Variants in MAGI2 observed in about 807,000 individuals in gnomAD.
MAGI2 encodes membrane-associated guanylate kinase, WW and PDZ domain-containing protein 2.
In MAGI2, 35 loss-of-function variants were observed where a neutral mutation model predicts 133.3. That is an observed-to-expected ratio of 0.26 (90% CI 0.20 to 0.35). The LOEUF (loss-of-function observed/expected upper bound fraction) is 0.35, where lower values mean the gene tolerates loss of function less well. Ranked by LOEUF, MAGI2 falls within the 10% of genes least tolerant of loss-of-function variation. The probability of loss-of-function intolerance (pLI) is 1.00; values close to 1 mark genes in which losing one functional copy is unlikely to be tolerated. For missense variants in MAGI2, 1,636 were observed against 1,863.4 expected (o/e 0.88, Z 2.25); for synonymous variants, 729 against 710.6 (o/e 1.03, Z -0.41).
intron 1 of MAGI2, among the ~76,000 whole-genome samples, chr7:79,084,029 T>C (rs1470774945): frequency 6.6e-6 from 1 of 151,752 alleles, no homozygotes; most frequent in African/African-American, 2.4e-5. Context: ...CTCTTGATTT[T>C]ATTAATTTGA....
chr7:78,597,090 A>C (rs1804686606), intron 3 of MAGI2, among the ~76,000 whole-genome samples: 1 of 152,166 alleles, frequency 6.6e-6, no homozygotes, highest in Admixed American at 6.5e-5. Flanking sequence ...GTTAGAGAAA[A>C]AATTCTTTAA....
chr7:79,269,470 G>A (rs1834715568), intron 1 of MAGI2, among the ~76,000 whole-genome samples: 1 of 152,132 alleles, frequency 6.6e-6, no homozygotes, highest in South Asian at 2.1e-4. Context: ...TACTCAGTAA[G>A]TGCTCAATGT....
intron 2 of MAGI2, among the ~76,000 whole-genome samples, chr7:78,857,895 G>A (rs186311746): frequency 3.7e-4 from 56 of 152,108 alleles, no homozygotes; most frequent in East Asian, 1.7e-3. Context: ...GATTTTTTTT[G>A]TTGGTAGGCC....
At chr7:78,994,905 G>C (rs1231738165) in intron 2 of MAGI2, among the ~76,000 whole-genome samples, 8 of 152,096 alleles carry the variant, frequency 5.3e-5, no homozygotes, top group Admixed American at 5.2e-4. Context: ...ATGCAAGGAT[G>C]AAGAACTGGG....
intron 2 of MAGI2, among the ~76,000 whole-genome samples, chr7:78,860,516 AC>A (rs1391599317): frequency 2.0e-5 from 3 of 152,078 alleles, no homozygotes; most frequent in African/African-American, 7.2e-5. Context: ...TTCACTCCAG[AC>A]CCTGTTTGCC....
chr7:78,651,874 T>C (rs1387784815), intron 2 of MAGI2, among the ~76,000 whole-genome samples: 2 of 151,896 alleles, frequency 1.3e-5, no homozygotes, highest in African/African-American at 2.4e-5. Context: ...AACAAAGACC[T>C]CAGAAGCTAA....
intron 3 of MAGI2, among the ~76,000 whole-genome samples, chr7:78,541,243 G>T (rs532316016): frequency 8.6e-5 from 13 of 152,030 alleles, no homozygotes; most frequent in African/African-American, 3.1e-4. Context: ...TTTTTTGAAA[G>T]AATTACCCTT....
At chr7:79,153,496 C>G (rs1823470325) in intron 1 of MAGI2, among the ~76,000 whole-genome samples, 1 of 152,142 alleles carries the variant, frequency 6.6e-6, no homozygotes, top group Non-Finnish European at 1.5e-5. Flanking sequence ...GGTCTAGTCA[C>G]AGAGAGAGCA....
At chr7:79,125,417 A>C in intron 1 of MAGI2, 1 of 492,398 alleles carries the variant, frequency 2.0e-6, no homozygotes, top group Non-Finnish European at 4.0e-6. Flanking sequence ...GGTGTCTTTG[A>C]TGGGGATAGC....
intron 2 of MAGI2, among the ~76,000 whole-genome samples, chr7:78,824,923 G>A (rs931418156): frequency 2.0e-5 from 3 of 152,116 alleles, no homozygotes; most frequent in Middle Eastern, 3.2e-3. Context: ...GAAGAGACAC[G>A]GATGAAGGTG....
chr7:79,391,361 C>T lies in MAGI2; in HGVS notation c.301+61659G>A, dbSNP rs1474597823. Among the ~76,000 whole-genome samples the T allele has an allele frequency of 4.0e-5, 6 of 151,172 alleles. No homozygotes were observed. In the East Asian group the frequency reaches 1.2e-3, roughly 29 times the overall value. ...ACAAACTAAAAGGTAAAAAAATATA[C>T]AGAAAATGACTTCATTCTGGCTTTA... On this transcript the variant is annotated intron_variant, in intron 1 of 21. Coordinates refer to ENST00000354212, the MANE Select transcript of MAGI2 (RefSeq NM_012301.4).
intron 1 of MAGI2, among the ~76,000 whole-genome samples, chr7:79,447,451 T>C (rs970109184): frequency 2.0e-5 from 3 of 152,088 alleles, no homozygotes; most frequent in African/African-American, 7.2e-5. Context: ...GAGAGATTTT[T>C]AGAAATTAAT....
At chr7:78,728,567 T>C (rs1344645329) in intron 2 of MAGI2, among the ~76,000 whole-genome samples, 1 of 82,584 alleles carries the variant, frequency 1.2e-5, no homozygotes, top group South Asian at 4.3e-4. Context: ...TTTTTTTTTT[T>C]TTTTTTTTTT....
At chr7:79,260,173 G>A (rs1055516581) in intron 1 of MAGI2, among the ~76,000 whole-genome samples, 2 of 152,138 alleles carry the variant, frequency 1.3e-5, no homozygotes, top group Non-Finnish European at 2.9e-5. Context: ...GGGCAATATG[G>A]CAAAACCCTG....
At chr7:78,401,704 T>C (rs1037874815) in intron 6 of MAGI2, among the ~76,000 whole-genome samples, 21 of 152,188 alleles carry the variant, frequency 1.4e-4, no homozygotes, top group African/African-American at 3.4e-4. Context: ...AAATTTATTA[T>C]AGAATACATC....
chr7:78,768,653 G>A (rs980805667), intron 2 of MAGI2, among the ~76,000 whole-genome samples: 2 of 152,172 alleles, frequency 1.3e-5, no homozygotes, highest in Non-Finnish European at 1.5e-5. Flanking sequence ...TTGTACTCAA[G>A]TCTTTCTTGT....
intron 2 of MAGI2, among the ~76,000 whole-genome samples, chr7:78,990,052 C>T (rs1223533727): frequency 6.6e-6 from 1 of 152,072 alleles, no homozygotes; most frequent in Non-Finnish European, 1.5e-5. Flanking sequence ...TACCATCCTA[C>T]ATAAGGACTT....
chr7:79,183,814 G>T (rs1393956840), intron 1 of MAGI2, among the ~76,000 whole-genome samples: 1 of 151,800 alleles, frequency 6.6e-6, no homozygotes, highest in Non-Finnish European at 1.5e-5. Context: ...TTTAAAAACA[G>T]GTAATTCTGT....
At chr7:78,991,100 AT>A (rs1306319808) in intron 2 of MAGI2, among the ~76,000 whole-genome samples, 1 of 151,706 alleles carries the variant, frequency 6.6e-6, no homozygotes, top group African/African-American at 2.4e-5. Flanking sequence ...AGATCTGATG[AT>A]TTAAAAGTGT....
Sources: gnomAD v4.1 joint callset for allele counts (sites outside exome capture counted in the v4.1 genomes callset) on GRCh38, gnomAD v4.1.1 for gene constraint, MANE v1.5 for transcripts, NCBI Gene and HGNC (gene_info 2026-07-23, HGNC 2026-07-21) for gene names.